The following OSBPL5 variants were observed in gnomAD, a reference collection of about 807,000 sequenced individuals.
The protein encoded by OSBPL5 is oxysterol-binding protein-related protein 5.
A neutral mutation model predicts 111.2 loss-of-function variants in OSBPL5; 71 were observed. That is an observed-to-expected ratio of 0.64 (90% CI 0.53 to 0.78). OSBPL5 has a LOEUF of 0.78. Ranked by LOEUF, OSBPL5 falls within the 30% of genes least tolerant of loss-of-function variation. The pLI, the probability that OSBPL5 is intolerant of heterozygous loss-of-function variation, is 0.00. For missense variants in OSBPL5, 1,210 were observed against 1,189.3 expected (o/e 1.02, Z -0.26); for synonymous variants, 549 against 513.9 (o/e 1.07, Z -0.93).
chr11:3,147,827 A>G (rs974368471), intron 1 of OSBPL5, among the ~76,000 whole-genome samples: 5 of 152,146 alleles, frequency 3.3e-5, no homozygotes, highest in Non-Finnish European at 7.4e-5. Flanking sequence ...AGCCTCGGCA[A>G]GTGGGAGTTG....
At chr11:3,093,860 G>T in intron 15 of OSBPL5, 25 bp from the exon 16 acceptor site, 2 of 1,601,056 alleles carry the variant, frequency 1.2e-6, no homozygotes. Flanking sequence ...CCAGAACAGA[G>T]CCCAGTGAGC....
rs538798505 is a variant in OSBPL5, at chr11:3,110,385, T to A, written c.692-2440A>T. Among the ~76,000 whole-genome samples the A allele has an allele frequency of 2.0e-5, 3 of 152,322 alleles. No individual in the cohort carries two copies. The South Asian group carries it at 6.2e-4, about 32-fold the overall frequency. On this transcript the variant is annotated intron_variant, in intron 7 of 21. Transcript: ENST00000263650. The surrounding 1 kb of genome is among the most constrained non-coding windows in gnomAD (Gnocchi z 5.3). ...GGGAATCCCTCCAGGTGGAGGATCA[T>A]CGCAGTCACAGCTGCCTGAGCGGCC...
chr11:3,130,413 G>A lies in OSBPL5; in HGVS notation c.-21-1244C>T, dbSNP rs895086933. Among the ~76,000 whole-genome samples the A allele has an allele frequency of 6.6e-6, 1 of 152,248 alleles. No homozygotes were observed. The highest frequency in any genetic ancestry group is 2.4e-5 in the African/African-American group (1 of 41,464). On this transcript the variant is annotated intron_variant, in intron 1 of 21. Transcript: ENST00000263650. The surrounding 1 kb of genome is among the most constrained non-coding windows in gnomAD (Gnocchi z 4.5). ...CATGGTCCTGGGCTTTGCTGGGGGG[G>A]GCCTCAGACACACAGAGACTTTCCT... is the stretch of plus-strand genomic sequence containing the variant.
chr11:3,094,635 G>T, intron 14 of OSBPL5: 1 of 364,642 alleles, frequency 2.7e-6, no homozygotes, highest in South Asian at 3.6e-5. Flanking sequence ...CTCTGTCCTC[G>T]CCAGGGCCTT....
At chr11:3,138,264 C>T (rs913899199) in intron 1 of OSBPL5, among the ~76,000 whole-genome samples, 2 of 152,220 alleles carry the variant, frequency 1.3e-5, no homozygotes, top group African/African-American at 4.8e-5. Flanking sequence ...CCTAAGAAGC[C>T]CTGGCATGGG....
rs554368695 is a variant in OSBPL5 at position 3,105,175 on chromosome 11, G to A, written c.1060-798C>T. On this transcript the variant is annotated intron_variant, in intron 9 of 21. Coordinates refer to ENST00000263650, the MANE Select transcript of OSBPL5 (RefSeq NM_020896.4). This position sits in a 1 kb window ranked among gnomAD's most constrained non-coding sequence, Gnocchi z 5.2. Reference sequence around the variant, plus strand: ...ACAAGTGACTTGTCCAAGGTCACACGGCTGCTATGCGGCAGAGGTCAGATC... The same window carrying A: ...ACAAGTGACTTGTCCAAGGTCACACAGCTGCTATGCGGCAGAGGTCAGATC... Among the ~76,000 whole-genome samples, 19 of 152,304 alleles carry A rather than the reference G, an allele frequency of 1.2e-4. No homozygotes were observed. The East Asian group carries it at 3.3e-3, about 26-fold the overall frequency.
rs1211583617 is a variant in OSBPL5, at chr11:3,108,010, G to A, written c.692-65C>T. 10 of 1,551,628 alleles carry A rather than the reference G, an allele frequency of 6.4e-6. No individual in the cohort carries two copies. In the African/African-American group the frequency reaches 9.4e-5, roughly 15 times the overall value. On this transcript the variant is annotated intron_variant, in intron 7 of 21. Coordinates refer to ENST00000263650, the MANE Select transcript of OSBPL5 (RefSeq NM_020896.4). Reference sequence around the variant, plus strand: ...CTGTATATCCCGCATCCCCCAAGGGGCCACCAGGAGGCTCCCCCTCACTCT... The same window carrying A: ...CTGTATATCCCGCATCCCCCAAGGGACCACCAGGAGGCTCCCCCTCACTCT...
At chr11:3,125,920 T>C (rs1341770491) in intron 3 of OSBPL5, among the ~76,000 whole-genome samples, 1 of 152,176 alleles carries the variant, frequency 6.6e-6, no homozygotes, top group Non-Finnish European at 1.5e-5. Context: ...AGGCGGAGCT[T>C]GCAGTGAGCT....
chr11:3,117,276 G>T (rs2134448685), intron 7 of OSBPL5, among the ~76,000 whole-genome samples: 2 of 152,330 alleles, frequency 1.3e-5, no homozygotes, highest in South Asian at 4.1e-4. Flanking sequence ...CCTGTACAGG[G>T]TTCCTGACCT....
Position 3,126,345 on chromosome 11 carries a change from C to G in OSBPL5, c.219+128G>C. On this transcript the variant is annotated intron_variant, in intron 3 of 21. Transcript: ENST00000263650. This position sits in a 1 kb window ranked among gnomAD's most constrained non-coding sequence, Gnocchi z 6.5. ...GAGCAGCACAGTCTAGGATTGGGAG[C>G]TGTTTCCCCCGAACAGGCTGGAATG... 2.5e-6 allele frequency: 2 copies of G among 784,398 alleles called. No homozygotes were observed. The highest frequency in any genetic ancestry group is 4.1e-5 in the South Asian group (2 of 48,516). 48.6% of individuals were successfully genotyped at this position (784,398 alleles called of 1,614,324 possible).
chr11:3,145,162 C>T lies in OSBPL5; in HGVS notation c.-21-15993G>A, dbSNP rs561510414. Among the ~76,000 whole-genome samples, 150 of 152,338 alleles carry T rather than the reference C, an allele frequency of 9.8e-4. 1 individual carries two copies. Among genetic ancestry groups the T allele is most frequent in the Admixed American group, 3.8e-3 (58 of 15,312 alleles). ...CGTGCACCTGGGCTGGCCCCGTGCC[C>T]GCCTGGATTTGACGAAGCCCATCAA... On this transcript the variant is annotated intron_variant, in intron 1 of 21. Coordinates refer to ENST00000263650, the MANE Select transcript of OSBPL5 (RefSeq NM_020896.4).
intron 1 of OSBPL5, among the ~76,000 whole-genome samples, chr11:3,131,675 C>CATCCACCAACCCACCCATTCATCT (rs1845789961): frequency 6.7e-6 from 1 of 149,928 alleles, no homozygotes; most frequent in African/African-American, 2.5e-5. Context: ...CCCATCCATC[C>CATCCACCAACCCACCCATTCATCT]ATCCACCCAC....
chr11:3,127,246 G>A (rs961325939), intron 2 of OSBPL5, among the ~76,000 whole-genome samples: 5 of 152,238 alleles, frequency 3.3e-5, no homozygotes, highest in Non-Finnish European at 7.3e-5. Flanking sequence ...GCTGGTGGGC[G>A]AGGGTTGACT....
intron 7 of OSBPL5, among the ~76,000 whole-genome samples, chr11:3,112,070 TGTGC>T (rs1287594864): frequency 1.7e-4 from 9 of 52,056 alleles, no homozygotes; most frequent in African/African-American, 8.1e-4. Context: ...TGTATGTGTG[TGTGC>T]ATGTGTGTGT....
intron 10 of OSBPL5, among the ~76,000 whole-genome samples, chr11:3,103,855 T>TCTGCGCAGCCCCCTTCCAGC (rs1857590153): frequency 9.8e-6 from 1 of 102,356 alleles, no homozygotes; most frequent in African/African-American, 4.3e-5. Context: ...CCCTTTCCAG[T>TCTGCGCAGCCCCCTTCCAGC]CTGCGCAGCC....
At chr11:3,145,055 G>A (rs912264622) in intron 1 of OSBPL5, among the ~76,000 whole-genome samples, 2 of 152,186 alleles carry the variant, frequency 1.3e-5, no homozygotes, top group Admixed American at 6.5e-5. Context: ...GGCTCTTTGC[G>A]ACTCCCCACG....
chr11:3,136,142 T>C (rs1252032508), intron 1 of OSBPL5, among the ~76,000 whole-genome samples: 2 of 152,166 alleles, frequency 1.3e-5, no homozygotes, highest in East Asian at 3.9e-4. Context: ...GGAGGGGCCA[T>C]GCTCTCTGAC....
At chr11:3,101,511 C>A (rs758778197) in intron 13 of OSBPL5, 92 bp downstream of exon 13, 1 of 1,197,828 alleles carries the variant, frequency 8.3e-7, no homozygotes, top group South Asian at 1.3e-5. Context: ...GCACATGGCC[C>A]CCATCCAGAT....
At chr11:3,102,022 C>T (rs1463039198) in intron 12 of OSBPL5, among the ~76,000 whole-genome samples, 161 bp downstream of exon 12, 1 of 152,192 alleles carries the variant, frequency 6.6e-6, no homozygotes, top group East Asian at 1.9e-4. Flanking sequence ...CTGTTGGCAG[C>T]GGCTGGGTCC....
Sources: allele counts gnomAD v4.1 joint callset (sites outside exome capture counted in the v4.1 genomes callset), GRCh38; gene constraint gnomAD v4.1.1; non-coding constraint Gnocchi (gnomAD v3.1); transcripts MANE v1.5; gene names NCBI Gene and HGNC (gene_info 2026-07-23, HGNC 2026-07-21).